The following IGHMBP2 variants were observed in gnomAD, a reference collection of about 807,000 sequenced individuals.
The protein encoded by IGHMBP2 is DNA-binding protein SMUBP-2.
IGHMBP2 carries 81 observed loss-of-function variants against 96.0 expected under a neutral mutation model. The observed-to-expected ratio is 0.84, with a 90% CI of 0.71 to 1.01. IGHMBP2 has a LOEUF of 1.01. IGHMBP2 is among the 50% of genes least tolerant of loss of function. The probability of loss-of-function intolerance (pLI) is 0.00; values close to 1 mark genes in which losing one functional copy is unlikely to be tolerated. For synonymous variants in IGHMBP2, 557 were observed against 548.9 expected, an observed-to-expected ratio of 1.01 and a Z score of -0.21; for missense variants, 1,227 against 1,306.3, an observed-to-expected ratio of 0.94 and a Z score of 0.94.
chr11:68,926,061 C>G (rs1566437546), intron 7 of IGHMBP2: 1 of 152,190 alleles, frequency 6.6e-6, no homozygotes, highest in Non-Finnish European at 1.5e-5. Context: ...ATCTACAACT[C>G]CCATTATGAA....
intron 2 of IGHMBP2, chr11:68,906,510 T>G: frequency 2.3e-6 from 1 of 442,786 alleles, no homozygotes; most frequent in Non-Finnish European, 4.1e-6. Flanking sequence ...ATTTGGAAGA[T>G]TATGTTAAAA....
intron 5 of IGHMBP2, among the ~76,000 whole-genome samples, chr11:68,913,120 G>C (rs1172694746): frequency 1.3e-4 from 19 of 148,032 alleles, no homozygotes; most frequent in African/African-American, 4.5e-4. Context: ...CCAGCACTCA[G>C]AGTGGCAGAG....
At chr11:68,927,506 G>C (rs1384649679) in intron 7 of IGHMBP2, among the ~76,000 whole-genome samples, 1 of 152,186 alleles carries the variant, frequency 6.6e-6, no homozygotes. Context: ...AGAGCTGAGG[G>C]CCTCCCGAGG....
intron 6 of IGHMBP2, among the ~76,000 whole-genome samples, chr11:68,915,916 G>A (rs1325504922): frequency 6.6e-6 from 1 of 151,782 alleles, no homozygotes; most frequent in Non-Finnish European, 1.5e-5. Context: ...GCTCACACGT[G>A]CAATCCCAGC....
Position 68,939,691 on chromosome 11 carries a change from G to T in IGHMBP2, c.2942G>T (p.Ser981Ile). 1 of 1,612,498 alleles carries T rather than the reference G, an allele frequency of 6.2e-7. No homozygotes were observed. Among genetic ancestry groups the T allele is most frequent in the Non-Finnish European group, 8.5e-7 (1 of 1,179,626 alleles). ...CTGGATAAGAAGCTGAGTGAGCTCA[G>T]CAACCAGAGGACCAGCCGGAGGAAG... ...RRLDKKLSEL[S>I]NQRTSRRKER... Residue 981 changes from serine to isoleucine, a missense_variant, in exon 15 of 15, where the codon AGC becomes ATC. Coordinates refer to ENST00000255078, the MANE Select transcript of IGHMBP2 (RefSeq NM_002180.3).
chr11:68,918,943 T>TC (rs1386641218), intron 7 of IGHMBP2, among the ~76,000 whole-genome samples: 1 of 152,146 alleles, frequency 6.6e-6, no homozygotes, highest in Admixed American at 6.5e-5. Flanking sequence ...CTTCTTAATG[T>TC]AGAAGCTGAG....
At chr11:68,910,412 T>C (rs1324562215) in intron 4 of IGHMBP2, among the ~76,000 whole-genome samples, 1 of 152,238 alleles carries the variant, frequency 6.6e-6, no homozygotes, top group African/African-American at 2.4e-5. Context: ...TGTTACTAGC[T>C]GCACACCCTG....
At chr11:68,917,921 A>C (rs1488242555) in intron 7 of IGHMBP2, 38 bp downstream of exon 7, 1 of 1,606,428 alleles carries the variant, frequency 6.2e-7, no homozygotes, top group East Asian at 2.2e-5. Flanking sequence ...GTGGCCTCGA[A>C]GAAGGAGTTG....
In IGHMBP2 at chr11:68,906,101, TC is replaced by T. The variant is rs1332319177; in HGVS notation, c.121del (p.Gln41ArgfsTer8). 7 of 1,614,124 alleles carry T rather than the reference TC, an allele frequency of 4.3e-6. No individual in the cohort carries two copies. Among genetic ancestry groups the T allele is most frequent in the Non-Finnish European group, 5.1e-6 (6 of 1,180,020 alleles). On this transcript the variant is annotated frameshift_variant, in exon 2 of 15. Transcript: ENST00000255078. LOFTEE classifies it high-confidence loss of function. ...SWQENISLKE[L>X]QSRGVCLLKL... ...CAGGAGAACATCTCTCTGAAAGAGC[TC>T]CAGAGCCGAGGCGTGTGTTTGCTGA...
intron 14 of IGHMBP2, among the ~76,000 whole-genome samples, chr11:68,939,333 C>T (rs1298636780): frequency 1.3e-5 from 2 of 151,978 alleles, no homozygotes; most frequent in African/African-American, 2.4e-5. Context: ...TGTGCACACT[C>T]GGGGGCTCCC....
intron 7 of IGHMBP2, among the ~76,000 whole-genome samples, chr11:68,920,765 T>C (rs1172688826): frequency 3.9e-5 from 6 of 152,006 alleles, no homozygotes; most frequent in Non-Finnish European, 7.4e-5. Context: ...ATTACAAGTG[T>C]AAGCCACTGT....
At position 68,935,431 on chromosome 11, in the gene IGHMBP2, C is replaced by T. The variant is rs747986999; in HGVS notation, c.1756+9C>T. 2 of 1,613,850 alleles carry T rather than the reference C, an allele frequency of 1.2e-6. No individual in the cohort carries two copies. Among genetic ancestry groups the T allele is most frequent in the Non-Finnish European group, 1.7e-6 (2 of 1,179,984 alleles). ...CAGATCCAACAGGAAAGGTACGGAG[C>T]CCTCGCCAGAGTCCTTTGGGGACAG... On this transcript the variant is annotated intron_variant, in intron 12 of 14. Transcript: ENST00000255078.
intron 7 of IGHMBP2, among the ~76,000 whole-genome samples, chr11:68,921,369 A>C (rs1858870309): frequency 6.6e-6 from 1 of 152,070 alleles, no homozygotes; most frequent in Non-Finnish European, 1.5e-5. Flanking sequence ...TGGTGCTGGG[A>C]TTATAGGCAT....
intron 6 of IGHMBP2, among the ~76,000 whole-genome samples, chr11:68,916,895 T>C (rs1858693398): frequency 6.6e-6 from 1 of 150,404 alleles, no homozygotes; most frequent in Admixed American, 6.6e-5. Context: ...CTGTAAATTA[T>C]ACACAGTAAA....
intron 8 of IGHMBP2, among the ~76,000 whole-genome samples, chr11:68,931,608 G>A (rs536915434): frequency 6.6e-6 from 1 of 152,246 alleles, no homozygotes; most frequent in Non-Finnish European, 1.5e-5. Flanking sequence ...CTCAGAAGGG[G>A]CGGGGCTCCC....
chr11:68,909,289 C>G (rs536141039), intron 4 of IGHMBP2, among the ~76,000 whole-genome samples: 30 of 150,894 alleles, frequency 2.0e-4, no homozygotes, highest in African/African-American at 7.3e-4. Flanking sequence ...AAGTGATTCT[C>G]ATGCCTCAGC....
intron 2 of IGHMBP2, among the ~76,000 whole-genome samples, chr11:68,907,418 G>A (rs181898053): frequency 7.5e-4 from 114 of 152,310 alleles, no homozygotes; most frequent in Non-Finnish European, 1.3e-3. Context: ...GTGCCAGCCT[G>A]GTTGGAAAGG....
rs1566439488 is a variant in IGHMBP2, at chr11:68,929,202, C to G, written c.1080C>G (p.Pro360=). Residue 360 remains proline, a synonymous_variant, in exon 8 of 15, where the codon CCC becomes CCG. Transcript: ENST00000255078. ...CACCAGGTGCGTCTGCCGATGGCCCCCTGAAGTTGCTGCCCGAGAGCTACT... is the reference window on the plus strand; with the variant it reads ...CACCAGGTGCGTCTGCCGATGGCCCGCTGAAGTTGCTGCCCGAGAGCTACT... The part of the protein sequence containing the change: ...ATNTGASADG[P]LKLLPESYFD... 3.2e-5 allele frequency: 52 copies of G among 1,613,370 alleles called. No individual in the cohort carries two copies. The highest frequency in any genetic ancestry group is 4.2e-5 in the Non-Finnish European group (50 of 1,180,016).
chr11:68,917,692 A>G, intron 6 of IGHMBP2, 44 bp from the exon 7 acceptor site: 1 of 1,528,730 alleles, frequency 6.5e-7, no homozygotes, highest in Non-Finnish European at 9.1e-7. Context: ...AAGAAGTACA[A>G]AGTTGGACTG....
Sources: gnomAD v4.1 joint callset for allele counts (sites outside exome capture counted in the v4.1 genomes callset) on GRCh38, gnomAD v4.1.1 for gene constraint, MANE v1.5 for transcripts, NCBI Gene and HGNC (gene_info 2026-07-23, HGNC 2026-07-21) for gene names.